ANKRD35: variants seen among roughly 807,000 people sequenced by gnomAD.
The protein encoded by ANKRD35 is ankyrin repeat domain-containing protein 35.
Under a neutral mutation model 109.9 loss-of-function variants are expected in ANKRD35, and 102 were observed. That is an observed-to-expected ratio of 0.93 (90% CI 0.79 to 1.09). ANKRD35 has a LOEUF of 1.09. Among genes scored for constraint, ANKRD35 ranks in the 50% least tolerant of loss-of-function variants. The pLI, the probability that ANKRD35 is intolerant of heterozygous loss-of-function variation, is 0.00. For synonymous variants in ANKRD35, 515 were observed against 512.4 expected (o/e 1.01, Z -0.07); for missense variants, 1,240 against 1,230.1 (o/e 1.01, Z -0.12).
In ANKRD35 at chr1:145,877,999, C is replaced by G. The variant is rs1654144940; in HGVS notation, c.293G>C (p.Cys98Ser). The part of the protein sequence containing the change: ...STALHLATIS[C>S]QPQCVKVLLQ... ...CAGAACCTTAACACACTGTGGCTGG[C>G]AGGAGATGGTGGCCAAGTGTAGGGC... Residue 98 changes from cysteine to serine, a missense_variant, in exon 4 of 14, where the codon TGC becomes TCC. Transcript: ENST00000355594. The G allele has an allele frequency of 6.2e-7, 1 of 1,614,004 alleles. No individual in the cohort carries two copies. The highest frequency in any genetic ancestry group is 1.3e-5 in the African/African-American group (1 of 75,012).
intron 1 of ANKRD35, among the ~76,000 whole-genome samples, chr1:145,881,988 T>G (rs587738862): frequency 1.4e-5 from 2 of 139,542 alleles, no homozygotes; most frequent in Non-Finnish European, 3.1e-5. Context: ...AGAGTCTTGC[T>G]CTGTCGCCCA....
chr1:145,867,477 G>T, intron 12 of ANKRD35, 85 bp from the exon 13 acceptor site: 1 of 1,183,604 alleles, frequency 8.4e-7, no homozygotes, highest in South Asian at 1.2e-5. Context: ...GTGGTACAGT[G>T]GAAGGCTATT....
intron 1 of ANKRD35, among the ~76,000 whole-genome samples, chr1:145,884,125 T>C (rs782819213): frequency 1.3e-5 from 2 of 152,130 alleles, no homozygotes; most frequent in Non-Finnish European, 2.9e-5. Flanking sequence ...GTTTCCCCAT[T>C]CCTAAGAAGC....
rs782578572 is a variant in ANKRD35, at chr1:145,868,343, C to T, written c.2845G>A (p.Gly949Arg). Residue 949 changes from glycine to arginine, a missense_variant, in exon 11 of 14, where the codon GGA becomes AGA. Gly to Arg is a moderately radical substitution (Grantham distance 125). Transcript: ENST00000355594. ...TGCAGGGCAAGGCGAGCATTTTCTC[C>T]CCGAATTGCTAGAACCTCTTCTGAA... ...QLSEEVLAIR[G>R]ENARLALQLQ... 3.7e-6 allele frequency: 6 copies of T among 1,614,186 alleles called. No individual in the cohort carries two copies. Among genetic ancestry groups the T allele is most frequent in the Admixed American group, 1.7e-5 (1 of 60,020 alleles).
Position 145,876,246 on chromosome 1 carries a change from C to T in ANKRD35, c.454G>A (p.Asp152Asn), listed in dbSNP as rs138703494. The T allele has an allele frequency of 3.0e-4, 486 of 1,610,842 alleles. No homozygotes were observed. The highest frequency in any genetic ancestry group is 3.7e-4 in the Non-Finnish European group (436 of 1,177,696). Residue 152 changes from aspartate to asparagine, a missense_variant and splice_region_variant, in exon 7 of 14, where the codon GAT becomes AAT. By Grantham distance (23) the Asp-to-Asn change is conservative (BLOSUM62 1). Coordinates refer to ENST00000355594, the MANE Select transcript of ANKRD35 (RefSeq NM_144698.5). The stretch of plus-strand genomic sequence containing the variant: ...GCGATCATCAGGGGTGTACGTCCAT[C>T]CTGCACAGATTGTAGGAAGAGGTTC... ...HEAFLDVLDN[D>N]GRTPLMIASL... is the part of the protein sequence containing the mutation.
intron 10 of ANKRD35, among the ~76,000 whole-genome samples, 184 bp from the exon 11 acceptor site, chr1:145,868,584 A>C (rs1457158982): frequency 6.6e-6 from 1 of 152,242 alleles, no homozygotes; most frequent in African/African-American, 2.4e-5. Context: ...ACAACGTAAA[A>C]GCTAATTAAG....
rs1553739060 is a variant in ANKRD35 at position 145,872,706 on chromosome 1, T to C, written c.2063A>G (p.Glu688Gly). 4.3e-6 allele frequency: 7 copies of C among 1,614,142 alleles called. No individual in the cohort carries two copies. In the East Asian group the frequency reaches 8.9e-5, roughly 21 times the overall value. The stretch of plus-strand genomic sequence containing the variant: ...GGAGGCCAGGAGCTTCCGCAGCTTC[T>C]CTGTGGCCTCCTTCTCCATGGCCAG... The part of the protein sequence containing the change: ...NELAMEKEAT[E>G]KLRKLLASQS... The change falls in exon 10 of 14, where the codon GAG becomes GGG. Residue 688 changes from glutamate to glycine, a missense_variant. Glu to Gly is a moderately conservative substitution (Grantham distance 98). Coordinates refer to ENST00000355594, the MANE Select transcript of ANKRD35 (RefSeq NM_144698.5).
intron 7 of ANKRD35, 52 bp downstream of exon 7, chr1:145,876,088 T>G: frequency 6.5e-7 from 1 of 1,529,376 alleles, no homozygotes; most frequent in Non-Finnish European, 9.0e-7. Context: ...ACTGGCTTCT[T>G]TCTAAATTGG....
At chr1:145,885,515 G>A (rs1654444825) in intron 1 of ANKRD35, among the ~76,000 whole-genome samples, 1 of 152,080 alleles carries the variant, frequency 6.6e-6, no homozygotes, top group African/African-American at 2.4e-5. Context: ...AGGGCCTTGG[G>A]GATGGCAGAG....
At chr1:145,879,194 A>T in intron 2 of ANKRD35, 64 bp downstream of exon 2, 1 of 1,472,152 alleles carries the variant, frequency 6.8e-7, no homozygotes, top group Non-Finnish European at 9.0e-7. Context: ...CCTATGTTAT[A>T]TTGGATTTGG....
chr1:145,876,763 T>G lies in ANKRD35; in HGVS notation c.382+53A>C. 9 of 1,613,060 alleles carry G rather than the reference T, an allele frequency of 5.6e-6. No homozygotes were observed. In the South Asian group the frequency reaches 9.9e-5, roughly 18 times the overall value. ...TGCCCTTCCCTCCTCACGCCTCCCC[T>G]TTCCCACCCTGTAGTCTCTGCAGCC... On this transcript the variant is annotated intron_variant, in intron 5 of 13. Coordinates refer to ENST00000355594, the MANE Select transcript of ANKRD35 (RefSeq NM_144698.5).
At chr1:145,875,133 A>C (rs1570801389) in intron 7 of ANKRD35, 127 bp from the exon 8 acceptor site, 2 of 817,066 alleles carry the variant, frequency 2.4e-6, no homozygotes, top group Admixed American at 3.4e-5. Context: ...CCAACATTAG[A>C]CCAGACTAGA....
In ANKRD35 at chr1:145,867,874, C is replaced by T. The variant is rs1339378843; in HGVS notation, c.2943+117G>A. 3.1e-6 allele frequency: 3 copies of T among 979,414 alleles called. No individual in the cohort carries two copies. In the African/African-American group the frequency reaches 4.8e-5, roughly 16 times the overall value. 60.7% of individuals were successfully genotyped at this position (979,414 alleles called of 1,614,324 possible). A position where few individuals can be genotyped will look rare whatever the true frequency, so the allele number is the denominator to read the frequency against. On this transcript the variant is annotated intron_variant, in intron 12 of 13. Transcript: ENST00000355594. Reference sequence around the variant, plus strand: ...ATCAGAGACCTAGCACTGGATCCAGCTTTCCGAGAAACAGCAAGTGTGTAC... The same window carrying T: ...ATCAGAGACCTAGCACTGGATCCAGTTTTCCGAGAAACAGCAAGTGTGTAC...
In ANKRD35 at chr1:145,879,508, A is replaced by G. The variant is rs931953040; in HGVS notation, c.40-120T>C. On this transcript the variant is annotated intron_variant, in intron 1 of 13. Transcript: ENST00000355594. ...GGAACATCCCTTTTTCTCTTCCACA[A>G]GTCACACATCCTAGATCATTTAGTC... is the stretch of plus-strand genomic sequence containing the variant. The G allele has an allele frequency of 4.3e-6, 5 of 1,168,994 alleles. No homozygotes were observed. The African/African-American group carries it at 7.9e-5, about 18-fold the overall frequency. 72.4% of individuals were successfully genotyped at this position (1,168,994 alleles called of 1,614,324 possible). A position where few individuals can be genotyped will look rare whatever the true frequency, so the allele number is the denominator to read the frequency against.
chr1:145,877,945 T>C, intron 4 of ANKRD35, 23 bp downstream of exon 4: 5 of 1,609,868 alleles, frequency 3.1e-6, no homozygotes, highest in Non-Finnish European at 4.2e-6. Context: ...TTCATAAGAG[T>C]GGTATCAAGG....
At position 145,867,328 on chromosome 1, in the gene ANKRD35, C is replaced by T; in HGVS notation, c.*2G>A. ...TCCCTGAGGGCACACAGTGAGGCTG[C>T]CTCACTCCTCTTCCATGCTAAGGAT... On this transcript the variant is annotated 3_prime_UTR_variant, in exon 13 of 14. Coordinates refer to ENST00000355594, the MANE Select transcript of ANKRD35 (RefSeq NM_144698.5). 6.2e-7 allele frequency: 1 copy of T among 1,613,686 alleles called. No individual in the cohort carries two copies. The highest frequency in any genetic ancestry group is 1.1e-5 in the South Asian group (1 of 91,068).
intron 1 of ANKRD35, among the ~76,000 whole-genome samples, chr1:145,881,281 A>G (rs1654275841): frequency 6.6e-6 from 1 of 152,158 alleles, no homozygotes; most frequent in African/African-American, 2.4e-5. Flanking sequence ...GCAAGACTCC[A>G]TCTCAAACAA....
chr1:145,876,700 C>T, intron 5 of ANKRD35, 61 bp from the exon 6 acceptor site: 3 of 1,610,942 alleles, frequency 1.9e-6, no homozygotes, highest in Non-Finnish European at 2.5e-6. Flanking sequence ...GACTATGACC[C>T]AACATCCCCT....
rs61742402 is a variant in ANKRD35, at chr1:145,874,797, G to A, written c.745+25C>T. On this transcript the variant is annotated intron_variant, in intron 8 of 13. Transcript: ENST00000355594. Reference sequence around the variant, plus strand: ...GAAACTTCTCTGATTCTTAGAGAACGTGGAAGTTACACAAGGGCCTTTACC... The same window carrying A: ...GAAACTTCTCTGATTCTTAGAGAACATGGAAGTTACACAAGGGCCTTTACC... The A allele has an allele frequency of 2.6e-3, 3,977 of 1,542,054 alleles. 81 individuals are homozygous for A. In the African/African-American group the frequency reaches 0.047, roughly 18 times the overall value.
Sources: allele counts gnomAD v4.1 joint callset (sites outside exome capture counted in the v4.1 genomes callset), GRCh38; gene constraint gnomAD v4.1.1; transcripts MANE v1.5; gene names NCBI Gene and HGNC (gene_info 2026-07-23, HGNC 2026-07-21).